Variants in CDT1 observed in about 807,000 individuals in gnomAD.
CDT1 encodes DNA replication factor Cdt1.
CDT1 carries 66 observed loss-of-function variants against 49.3 expected under a neutral mutation model. The observed-to-expected ratio is 1.34, with a 90% confidence interval of 1.10 to 1.64. The LOEUF is 1.64. Among genes scored for constraint, CDT1 ranks in the 40% most tolerant of loss-of-function variants. The probability of loss-of-function intolerance (pLI) is 0.00; values close to 1 mark genes in which losing one functional copy is unlikely to be tolerated. For missense variants in CDT1, 958 were observed against 807.7 expected (o/e 1.19, Z -2.26); for synonymous variants, 424 against 347.4 (o/e 1.22, Z -2.45).
rs139038990 is a variant in CDT1, at chr16:88,804,564, C to T, written c.248C>T (p.Pro83Leu). 3.2e-3 allele frequency: 5,179 copies of T among 1,612,812 alleles called. 96 individuals are homozygous for T. The highest frequency in any genetic ancestry group is 3.0e-3 in the South Asian group (271 of 91,018). Reference protein sequence around the residue: ...SVDEVSSPSTPEAPDIPACPS... With the variant: ...SVDEVSSPSTLEAPDIPACPS... ...CACCAGGTTTCCAGCCCCAGTACCCCCGAGGCCCCAGACATCCCAGCCTGC... is the reference window on the plus strand; with the variant it reads ...CACCAGGTTTCCAGCCCCAGTACCCTCGAGGCCCCAGACATCCCAGCCTGC... The change falls in exon 2 of 10, where the codon CCC becomes CTC. Residue 83 changes from proline to leucine, a missense_variant. Pro to Leu is a moderately conservative substitution (Grantham distance 98). Transcript: ENST00000301019.
intron 1 of CDT1, 37 bp downstream of exon 1, chr16:88,804,096 G>A: frequency 7.5e-7 from 1 of 1,325,010 alleles, no homozygotes; most frequent in South Asian, 1.7e-5. Context: ...GGGGAGTTGG[G>A]GGCGGGGAGA....
At chr16:88,807,794 C>T (rs186776490) in intron 9 of CDT1, among the ~76,000 whole-genome samples, 114 of 152,332 alleles carry the variant, frequency 7.5e-4, no homozygotes, top group African/African-American at 2.1e-3. Flanking sequence ...GCCTCCCAGG[C>T]CTCTGGTGAC....
chr16:88,807,499 G>T lies in CDT1; in HGVS notation c.1477+17G>T, dbSNP rs549161916. ...TGAGCCCTGGTACGTGCAGGGCGGGGTGAAGGGGCGTGCAGGGTGGAATTG... is the reference window on the plus strand; with the variant it reads ...TGAGCCCTGGTACGTGCAGGGCGGGTTGAAGGGGCGTGCAGGGTGGAATTG... On this transcript the variant is annotated intron_variant, in intron 9 of 9. Coordinates refer to ENST00000301019, the MANE Select transcript of CDT1 (RefSeq NM_030928.4). 29 of 1,609,048 alleles carry T rather than the reference G, an allele frequency of 1.8e-5. No individual in the cohort carries two copies. The South Asian group carries it at 3.0e-4, about 16-fold the overall frequency.
At chr16:88,806,978 G>T in intron 7 of CDT1, 73 bp from the exon 8 acceptor site, 1 of 1,581,150 alleles carries the variant, frequency 6.3e-7, no homozygotes. Flanking sequence ...AGAGATACCG[G>T]GGACTCCTGG....
intron 9 of CDT1, 98 bp from the exon 10 acceptor site, chr16:88,808,017 G>A: frequency 1.4e-6 from 2 of 1,379,600 alleles, no homozygotes; most frequent in Non-Finnish European, 2.0e-6. Flanking sequence ...AGGGCGACCA[G>A]GCAGGCACAG....
intron 7 of CDT1, 90 bp downstream of exon 7, chr16:88,806,764 G>A: frequency 6.8e-7 from 1 of 1,472,544 alleles, no homozygotes; most frequent in Non-Finnish European, 9.2e-7. Context: ...TTGGTGATGA[G>A]CTTGACGCCT....
At chr16:88,808,091 C>T (rs774796480) in intron 9 of CDT1, 24 bp from the exon 10 acceptor site, 4 of 1,610,364 alleles carry the variant, frequency 2.5e-6, no homozygotes, top group Admixed American at 3.4e-5. Context: ...GCACCAGCCT[C>T]AGTGTCCTCC....
Position 88,803,962 on chromosome 16 carries a change from C to T in CDT1, c.131C>T (p.Thr44Ile), listed in dbSNP as rs1908748161. ...RPALRAPASA[T>I]SGSRKRARPP... is the part of the protein sequence containing the mutation. The stretch of plus-strand genomic sequence containing the variant: ...GCACTCCGCGCCCCGGCCTCCGCTA[C>T]CAGTGGCAGCCGCAAGCGCGCCCGC... Residue 44 changes from threonine (T) to isoleucine (I), a missense_variant, in exon 1 of 10, where the codon ACC becomes ATC. Transcript: ENST00000301019. 1 of 1,429,650 alleles carries T rather than the reference C, an allele frequency of 7.0e-7. No homozygotes were observed. The highest frequency in any genetic ancestry group is 1.5e-5 in the African/African-American group (1 of 66,542). The allele number at this position is 1,429,650 out of a possible 1,614,324, so 88.6% of individuals were successfully genotyped here.
chr16:88,806,905 C>T, intron 7 of CDT1, 146 bp from the exon 8 acceptor site: 2 of 1,227,916 alleles, frequency 1.6e-6, no homozygotes, highest in Non-Finnish European at 1.2e-6. Flanking sequence ...GGCGATGCTG[C>T]ACACTGGGAC....
rs753938206 is a variant in CDT1 at position 88,805,487 on chromosome 16, C to T, written c.536C>T (p.Pro179Leu). 6.2e-7 allele frequency: 1 copy of T among 1,612,744 alleles called. No individual in the cohort carries two copies. The highest frequency in any genetic ancestry group is 2.2e-5 in the East Asian group (1 of 44,894). The change falls in exon 4 of 10, where the codon CCC becomes CTC. Residue 179 changes from proline to leucine, a missense_variant. By Grantham distance (98) the Pro-to-Leu change is moderately conservative. Transcript: ENST00000301019. ...AYQRFHALAQ[P>L]GLPGLVLPYK... is the part of the protein sequence containing the mutation. ...CAGCGCTTCCATGCCCTGGCCCAGC[C>T]CGGCCTGCCGGGACTCGTGCTGCCC...
At chr16:88,807,522 T>C (rs370178302) in intron 9 of CDT1, 40 bp downstream of exon 9, 78 of 1,577,254 alleles carry the variant, frequency 4.9e-5, no homozygotes, top group Non-Finnish European at 4.6e-5. Flanking sequence ...CAGGGTGGAA[T>C]TGCCTGGTGC....
intron 9 of CDT1, among the ~76,000 whole-genome samples, chr16:88,807,689 C>T (rs1022663907): frequency 4.6e-5 from 7 of 152,222 alleles, no homozygotes; most frequent in African/African-American, 1.4e-4. Flanking sequence ...TCCACACCTG[C>T]AGCCTCTGGA....
chr16:88,805,039 C>G, intron 3 of CDT1, 141 bp downstream of exon 3: 1 of 1,215,274 alleles, frequency 8.2e-7, no homozygotes, highest in Non-Finnish European at 1.1e-6. Context: ...GACCCAGACC[C>G]CTGAGAAAAA....
chr16:88,807,056 G>C lies in CDT1; in HGVS notation c.1128G>C (p.Glu376Asp). 6.2e-7 allele frequency: 1 copy of C among 1,612,902 alleles called. No homozygotes were observed. The highest frequency in any genetic ancestry group is 1.3e-5 in the African/African-American group (1 of 75,056). Residue 376 changes from glutamate to aspartate, a missense_variant, in exon 8 of 10, where the codon GAG becomes GAC. Physicochemically the swap from Glu to Asp is conservative, Grantham distance 45 (BLOSUM62 2). Transcript: ENST00000301019. ...CCAACCTGTCCCTCCCGCAGATGGA[G>C]AAGGCCTTGAGTCAATTGGCCCTGC... Reference protein sequence around the residue: ...RARNLISPRMEKALSQLALRS... With the variant: ...RARNLISPRMDKALSQLALRS...
In CDT1 at chr16:88,808,241, G is replaced by A. The variant is rs75595603; in HGVS notation, c.1604G>A (p.Arg535His). The change falls in exon 10 of 10, where the codon CGC becomes CAC. Residue 535 changes from arginine to histidine, a missense_variant. Coordinates refer to ENST00000301019, the MANE Select transcript of CDT1 (RefSeq NM_030928.4). ...KAADLAHITA[R>H]LAHQTRAEEG... ...GCGGACCTCGCCCACATCACTGCACGCCTGGCCCACCAGACACGTGCTGAG... is the reference window on the plus strand; with the variant it reads ...GCGGACCTCGCCCACATCACTGCACACCTGGCCCACCAGACACGTGCTGAG... 7.4e-5 allele frequency: 119 copies of A among 1,603,710 alleles called. 1 individual carries two copies. In the African/African-American group the frequency reaches 1.3e-3, roughly 17 times the overall value.
Position 88,804,824 on chromosome 16 carries a change from G to A in CDT1, c.414G>A (p.Arg138=). 3 of 1,612,448 alleles carry A rather than the reference G, an allele frequency of 1.9e-6. No homozygotes were observed. Among genetic ancestry groups the A allele is most frequent in the Non-Finnish European group, 1.7e-6 (2 of 1,179,804 alleles). Residue 138 remains arginine (R), a synonymous_variant, in exon 3 of 10, where the codon CGG becomes CGA. Transcript: ENST00000301019. The stretch of plus-strand genomic sequence containing the variant: ...CCCGGGAGCTGGGGGCAAGAGTCCG[G>A]GCGCTGAAGGCCAGTGCCCAGGATG... ...QRARELGARV[R]ALKASAQDAG...
rs757852200 is a variant in CDT1 at position 88,808,290 on chromosome 16, A to C, written c.*12A>C. 5 of 1,575,034 alleles carry C rather than the reference A, an allele frequency of 3.2e-6. No homozygotes were observed. The highest frequency in any genetic ancestry group is 4.3e-6 in the Non-Finnish European group (5 of 1,160,502). ...AGGAGGGGCTGTGAGCCTGGGGGCC[A>C]CTGTGGACAGACGTGGGCTTCAGAA... On this transcript the variant is annotated 3_prime_UTR_variant, in exon 10 of 10. Coordinates refer to ENST00000301019, the MANE Select transcript of CDT1 (RefSeq NM_030928.4).
chr16:88,807,097 G>A lies in CDT1; in HGVS notation c.1169G>A (p.Ser390Asn). 6.2e-7 allele frequency: 1 copy of A among 1,612,840 alleles called. No homozygotes were observed. The highest frequency in any genetic ancestry group is 8.5e-7 in the Non-Finnish European group (1 of 1,179,974). Reference sequence around the variant, plus strand: ...TTGGCCCTGCGCTCTGCTGCGCCCAGCAGCCCCGGGTCTCCCAGGCCAGCA... The same window carrying A: ...TTGGCCCTGCGCTCTGCTGCGCCCAACAGCCCCGGGTCTCCCAGGCCAGCA... The part of the protein sequence containing the change: ...SQLALRSAAP[S>N]SPGSPRPALP... The change falls in exon 8 of 10, where the codon AGC (serine) becomes AAC (asparagine). Residue 390 changes from serine to asparagine, a missense_variant. Coordinates refer to ENST00000301019, the MANE Select transcript of CDT1 (RefSeq NM_030928.4).
rs1256353645 is a variant in CDT1 at position 88,808,193 on chromosome 16, C to G, written c.1556C>G (p.Thr519Ser). The change falls in exon 10 of 10, where the codon ACC becomes AGC. Residue 519 changes from threonine to serine, a missense_variant. Physicochemically the swap from Thr to Ser is moderately conservative, Grantham distance 58 (BLOSUM62 1). Transcript: ENST00000301019. ...WLSLHRIRTDTYVKLDKAADL... is the reference protein window; with the variant it reads ...WLSLHRIRTDSYVKLDKAADL... ...AGCCTCCACCGCATCCGCACCGACA[C>G]CTACGTCAAGCTGGACAAGGCCGCG... is the stretch of plus-strand genomic sequence containing the variant. The G allele has an allele frequency of 1.2e-6, 2 of 1,612,820 alleles. No homozygotes were observed. Among genetic ancestry groups the G allele is most frequent in the Non-Finnish European group, 1.7e-6 (2 of 1,179,944 alleles).
Sources: gnomAD v4.1 joint callset for allele counts (sites outside exome capture counted in the v4.1 genomes callset) on GRCh38, gnomAD v4.1.1 for gene constraint, MANE v1.5 for transcripts, NCBI Gene and HGNC (gene_info 2026-07-23, HGNC 2026-07-21) for gene names.